The following CPSF2 variants were observed in gnomAD, a reference collection of about 807,000 sequenced individuals.
CPSF2 encodes the protein cleavage and polyadenylation specificity factor subunit 2.
A neutral mutation model predicts 84.2 loss-of-function variants in CPSF2; 51 were observed. That is an observed-to-expected ratio of 0.61 (90% CI 0.48 to 0.77). The LOEUF (loss-of-function observed/expected upper bound fraction) is 0.77. Ranked by LOEUF, CPSF2 falls within the 30% of genes least tolerant of loss-of-function variation. CPSF2 has a pLI of 0.00. For missense variants in CPSF2, 641 were observed against 929.4 expected (o/e 0.69, Z 4.03); for synonymous variants, 286 against 311.9 (o/e 0.92, Z 0.87).
chr14:92,135,549 C>T, intron 6 of CPSF2, 53 bp downstream of exon 6: 1 of 1,499,054 alleles, frequency 6.7e-7, no homozygotes, highest in Non-Finnish European at 9.0e-7. Flanking sequence ...TTATTTTATT[C>T]TTTGGAGAAA....
chr14:92,139,995 C>T (rs2069054852), intron 7 of CPSF2, among the ~76,000 whole-genome samples: 1 of 127,012 alleles, frequency 7.9e-6, no homozygotes, highest in Non-Finnish European at 1.6e-5. Flanking sequence ...TGCTCTGTCG[C>T]CAGGCTGGAG....
At chr14:92,133,172 C>T (rs544854738) in intron 3 of CPSF2, among the ~76,000 whole-genome samples, 1 of 152,214 alleles carries the variant, frequency 6.6e-6, no homozygotes, top group Non-Finnish European at 1.5e-5. Context: ...GTAATCTCAG[C>T]ACTTTGGGAG....
chr14:92,135,289 A>G, intron 5 of CPSF2, 78 bp from the exon 6 acceptor site: 1 of 1,322,386 alleles, frequency 7.6e-7, no homozygotes, highest in Non-Finnish European at 1.0e-6. Flanking sequence ...TACCTATTAA[A>G]ATATTATAGT....
rs2069388873 is a variant in CPSF2 at position 92,162,531 on chromosome 14, T to C, written c.*787T>C. ...GGTCCTGTGTTAAACTGTTTAGTGC[T>C]CTGTTTTTAAGAAAACAAATGTTGA... On this transcript the variant is annotated 3_prime_UTR_variant, in exon 16 of 16. Transcript: ENST00000298875. The C allele has an allele frequency of 6.6e-6, 1 of 152,290 alleles. No individual in the cohort carries two copies. The highest frequency in any genetic ancestry group is 2.1e-4 in the South Asian group (1 of 4,824). 9.4% of individuals were successfully genotyped at this position (152,290 alleles called of 1,614,324 possible).
At chr14:92,132,142 A>AT (rs974796882) in intron 3 of CPSF2, among the ~76,000 whole-genome samples, 6 of 150,640 alleles carry the variant, frequency 4.0e-5, no homozygotes, top group South Asian at 2.1e-4. Context: ...TTTTATTATT[A>AT]TTTTTTTTTG....
rs192452278 is a variant in CPSF2 at position 92,140,013 on chromosome 14, G to A, written c.661+1666G>A. 1.5e-4 allele frequency among the ~76,000 whole-genome samples: 21 copies of A among 136,796 alleles called. 2 individuals are homozygous for A. Among genetic ancestry groups the A allele is most frequent in the African/African-American group, 5.4e-4 (19 of 35,162 alleles). 89.7% of individuals were successfully genotyped at this position (136,796 alleles called of 152,430 possible). On this transcript the variant is annotated intron_variant, in intron 7 of 15. Coordinates refer to ENST00000298875, the MANE Select transcript of CPSF2 (RefSeq NM_017437.3). ...TCTGTCGCCAGGCTGGAGTGTAGTGGCACAATCCCGGTTCACTGCAACCTC... is the reference window on the plus strand; with the variant it reads ...TCTGTCGCCAGGCTGGAGTGTAGTGACACAATCCCGGTTCACTGCAACCTC...
At position 92,130,996 on chromosome 14, in the gene CPSF2, T is replaced by C. The variant is rs1160287117; in HGVS notation, c.12T>C (p.Ile4=). ...CTGGACCAAAAAAAATGACGTCTAT[T>C]ATCAAATTAACTACCCTTTCTGGGG... MTS[I]IKLTTLSGVQ... Residue 4 remains isoleucine, a synonymous_variant, in exon 3 of 16, where the codon ATT becomes ATC. Coordinates refer to ENST00000298875, the MANE Select transcript of CPSF2 (RefSeq NM_017437.3). The C allele has an allele frequency of 6.2e-7, 1 of 1,610,188 alleles. No homozygotes were observed. Among genetic ancestry groups the C allele is most frequent in the Admixed American group, 1.7e-5 (1 of 58,906 alleles).
intron 9 of CPSF2, among the ~76,000 whole-genome samples, chr14:92,147,288 C>T (rs1054286527): frequency 2.0e-5 from 3 of 152,126 alleles, no homozygotes; most frequent in African/African-American, 7.2e-5. Flanking sequence ...GGTATTTTTT[C>T]ATCTATATCT....
chr14:92,167,720 A>T lies in CPSF2; in HGVS notation c.*5976A>T, dbSNP rs1191664850. On this transcript the variant is annotated 3_prime_UTR_variant, in exon 16 of 16. Transcript: ENST00000298875. Reference sequence around the variant, plus strand: ...TTCTATTCTATACTGTGTCCAGTAAAGGTCGGGGGAGAAAGAGTAAATCTT... The same window carrying T: ...TTCTATTCTATACTGTGTCCAGTAATGGTCGGGGGAGAAAGAGTAAATCTT... The T allele has an allele frequency of 6.6e-6, 1 of 152,074 alleles. No individual in the cohort carries two copies. Among genetic ancestry groups the T allele is most frequent in the Non-Finnish European group, 1.5e-5 (1 of 68,028 alleles). The allele number at this position is 152,074 out of a possible 1,614,324, so 9.4% of individuals were successfully genotyped here.
chr14:92,140,103 G>A (rs1281030648), intron 7 of CPSF2, among the ~76,000 whole-genome samples: 7 of 151,674 alleles, frequency 4.6e-5, no homozygotes, highest in African/African-American at 1.7e-4. Flanking sequence ...ACAGGTGTGC[G>A]CCACTACGCC....
chr14:92,130,574 TA>T (rs1200915101), intron 2 of CPSF2, among the ~76,000 whole-genome samples: 1 of 152,238 alleles, frequency 6.6e-6, no homozygotes, highest in African/African-American at 2.4e-5. Flanking sequence ...TTTACATGTA[TA>T]CTAATACTAA....
chr14:92,130,977 C>CA lies in CPSF2; in HGVS notation c.1dup, dbSNP rs745971089. 1.1e-5 allele frequency: 18 copies of CA among 1,602,424 alleles called. No individual in the cohort carries two copies. The highest frequency in any genetic ancestry group is 2.7e-5 in the African/African-American group (2 of 74,180). On this transcript the variant is annotated 5_prime_UTR_variant, in exon 3 of 16. Coordinates refer to ENST00000298875, the MANE Select transcript of CPSF2 (RefSeq NM_017437.3). ...CTCTTCTAGCTTGCTGTTTCTGGAC[C>CA]AAAAAAAATGACGTCTATTATCAAA...
Position 92,167,892 on chromosome 14 carries a change from GT to G in CPSF2, c.*6166del, listed in dbSNP as rs34772213. On this transcript the variant is annotated 3_prime_UTR_variant, in exon 16 of 16. Coordinates refer to ENST00000298875, the MANE Select transcript of CPSF2 (RefSeq NM_017437.3). The stretch of plus-strand genomic sequence containing the variant: ...TCAGTGATTGAGAGGTTAATTGCAG[GT>G]TTTTTTTTTTTTTTTTTCTGGTAAC... The G allele has an allele frequency of 0.035, 4,748 of 135,284 alleles. 184 individuals are homozygous for G. Among genetic ancestry groups the G allele is most frequent in the African/African-American group, 0.1 (3,811 of 36,482 alleles). 8.4% of individuals were successfully genotyped at this position (135,284 alleles called of 1,614,324 possible).
At chr14:92,132,903 C>A (rs1289680739) in intron 3 of CPSF2, among the ~76,000 whole-genome samples, 1 of 151,714 alleles carries the variant, frequency 6.6e-6, no homozygotes, top group African/African-American at 2.4e-5. Context: ...CCAGCCTGGC[C>A]AACATGGTGA....
rs1303509813 is a variant in CPSF2, at chr14:92,161,737, T to C, written c.2342T>C (p.Ile781Thr). The C allele has an allele frequency of 3.2e-6, 5 of 1,557,570 alleles. No individual in the cohort carries two copies. The African/African-American group carries it at 4.2e-5, about 13-fold the overall frequency. ...IRDLLYEQYA[I>T]V ...GACCTTTTATATGAACAATATGCCA[T>C]TGTATAAAGGACATGATGTCAAGAA... Residue 781 changes from isoleucine to threonine, a missense_variant, in exon 16 of 16, where the codon ATT (isoleucine) becomes ACT (threonine). This residue lies in a region of CPSF2 where 430 missense variants were observed against 553.6 expected (regional missense o/e 0.78). Coordinates refer to ENST00000298875, the MANE Select transcript of CPSF2 (RefSeq NM_017437.3).
intron 2 of CPSF2, 51 bp from the exon 3 acceptor site, chr14:92,130,900 T>G: frequency 9.0e-7 from 1 of 1,116,714 alleles, no homozygotes; most frequent in Middle Eastern, 2.2e-4. Flanking sequence ...GTTTATTATA[T>G]ATGCCAGACT....
intron 9 of CPSF2, among the ~76,000 whole-genome samples, chr14:92,149,371 C>T (rs1037377552): frequency 2.0e-5 from 3 of 151,722 alleles, no homozygotes; most frequent in African/African-American, 4.8e-5. Flanking sequence ...CACCTGAGGC[C>T]AGGAGTTTCA....
At chr14:92,132,259 C>T (rs1459736561) in intron 3 of CPSF2, among the ~76,000 whole-genome samples, 1 of 151,770 alleles carries the variant, frequency 6.6e-6, no homozygotes, top group Admixed American at 6.6e-5. Flanking sequence ...CTCAGCCTCC[C>T]AAGTAGCTGA....
chr14:92,130,038 G>A (rs543936541), intron 2 of CPSF2, among the ~76,000 whole-genome samples: 10 of 152,222 alleles, frequency 6.6e-5, no homozygotes, highest in East Asian at 3.9e-4. Context: ...GTGAGCCACC[G>A]TGCCTGGCCT....
Sources: gnomAD v4.1 joint callset for allele counts (sites outside exome capture counted in the v4.1 genomes callset) on GRCh38, gnomAD v4.1.1 for gene constraint, gnomAD v4.1.1 regional missense constraint, MANE v1.5 for transcripts, NCBI Gene and HGNC (gene_info 2026-07-23, HGNC 2026-07-21) for gene names.